PITRM1: variants seen among roughly 807,000 people sequenced by gnomAD.
The protein encoded by PITRM1 is pitrilysin metallopeptidase 1.
PITRM1 carries 100 observed loss-of-function variants against 129.9 expected under a neutral mutation model. The observed-to-expected ratio is 0.77, with a 90% CI of 0.65 to 0.91. PITRM1 has a LOEUF of 0.91. Ranked by LOEUF, PITRM1 falls within the 40% of genes least tolerant of loss-of-function variation. The pLI is 0.00. For synonymous variants in PITRM1, 591 were observed against 508.8 expected (o/e 1.16, Z -2.17); for missense variants, 1,471 against 1,318.3 (o/e 1.12, Z -1.79).
At chr10:3,155,026 T>C (rs1282368294) in intron 14 of PITRM1, among the ~76,000 whole-genome samples, 1 of 152,188 alleles carries the variant, frequency 6.6e-6, no homozygotes, top group Non-Finnish European at 1.5e-5. Context: ...GACCCGACAG[T>C]TCTCCTGCCT....
rs1840109141 is a variant in PITRM1, at chr10:3,140,777, A to G, written c.2681T>C (p.Phe894Ser). 1 of 1,591,904 alleles carries G rather than the reference A, an allele frequency of 6.3e-7. No homozygotes were observed. The change falls in exon 24 of 27, where the codon TTC (phenylalanine) becomes TCC (serine). Residue 894 changes from phenylalanine (F) to serine (S), a missense_variant. By Grantham distance (155) the Phe-to-Ser change is radical (BLOSUM62 -2). Transcript: ENST00000224949. ...TTTTTCTCGAATTTCTGTATGCAAG[A>G]ATTTGGCAGTCATCAAACGTGCAAG... ...KILARLMTAK[F>S]LHTEIREKGG...
At chr10:3,139,613 C>T (rs1444400180) in intron 24 of PITRM1, among the ~76,000 whole-genome samples, 2 of 152,210 alleles carry the variant, frequency 1.3e-5, no homozygotes, top group Non-Finnish European at 2.9e-5. Flanking sequence ...GAGAACTCAT[C>T]AGAGTGGCAA....
chr10:3,157,543 A>G lies in PITRM1; in HGVS notation c.1251-12T>C. The G allele has an allele frequency of 6.6e-7, 1 of 1,525,306 alleles. No individual in the cohort carries two copies. The highest frequency in any genetic ancestry group is 2.3e-5 in the East Asian group (1 of 44,346). The allele number at this position is 1,525,306 out of a possible 1,614,324, so 94.5% of individuals were successfully genotyped here. On this transcript the variant is annotated splice_polypyrimidine_tract_variant and intron_variant, in intron 11 of 26. Transcript: ENST00000224949. ...CTTCAAATCCTTTCCTAAAGAATACAATGAAGAACAAAGATGGGCCAGACA... is the reference window on the plus strand; with the variant it reads ...CTTCAAATCCTTTCCTAAAGAATACGATGAAGAACAAAGATGGGCCAGACA...
intron 2 of PITRM1, 29 bp from the exon 3 acceptor site, chr10:3,167,071 T>G (rs116361898): frequency 2.9e-6 from 4 of 1,398,716 alleles, no homozygotes; most frequent in Non-Finnish European, 4.0e-6. Context: ...CACGACCAGT[T>G]AAACTTAGAC....
rs141258893 is a variant in PITRM1 at position 3,157,847 on chromosome 10, AC to A, written c.1250+192del. ...AAGCGAGACCCTGTCTCAAAACAAA[AC>A]AAAAACCTAAGATGTTGAAGAGTTT... On this transcript the variant is annotated intron_variant, in intron 11 of 26. Coordinates refer to ENST00000224949, the MANE Select transcript of PITRM1 (RefSeq NM_014889.4). Among the ~76,000 whole-genome samples, 484 of 152,340 alleles carry A rather than the reference AC, an allele frequency of 3.2e-3. 2 individuals are homozygous for A. The highest frequency in any genetic ancestry group is 0.011 in the African/African-American group (458 of 41,568).
At position 3,145,576 on chromosome 10, in the gene PITRM1, C is replaced by A; in HGVS notation, c.2457+20G>T. On this transcript the variant is annotated intron_variant, in intron 21 of 26. Transcript: ENST00000224949. ...GCACCCACCAGGCGCTCACCGGGCG[C>A]CAGCACCACCAGTGCATACCTCGAC... 1.3e-6 allele frequency: 2 copies of A among 1,547,646 alleles called. No homozygotes were observed.
intron 1 of PITRM1, 54 bp from the exon 2 acceptor site, chr10:3,170,260 CATT>C: frequency 7.8e-7 from 1 of 1,287,462 alleles, no homozygotes; most frequent in East Asian, 2.3e-5. Context: ...ATCTGGCTAA[CATT>C]ATTCAGCCAC....
chr10:3,160,336 A>C lies in PITRM1; in HGVS notation c.792-6T>G. 6.2e-7 allele frequency: 1 copy of C among 1,600,678 alleles called. No homozygotes were observed. Among genetic ancestry groups the C allele is most frequent in the Non-Finnish European group, 8.6e-7 (1 of 1,167,834 alleles). On this transcript the variant is annotated splice_polypyrimidine_tract_variant and splice_region_variant and intron_variant, in intron 7 of 26. Transcript: ENST00000224949. ...AATTACCGTACGTGAAGAACCTAAA[A>C]TTTTAAGGGAATATAATTAGTCTGT...
intron 1 of PITRM1, among the ~76,000 whole-genome samples, chr10:3,171,865 GTAAT>G (rs1348167215): frequency 6.6e-6 from 1 of 152,132 alleles, no homozygotes; most frequent in African/African-American, 2.4e-5. Flanking sequence ...TAAAAAACAC[GTAAT>G]TATTATTCTC....
Position 3,145,681 on chromosome 10 carries a change from T to G in PITRM1, c.2372A>C (p.Gln791Pro), listed in dbSNP as rs547090878. Residue 791 changes from glutamine (Q) to proline (P), a missense_variant, in exon 21 of 27, where the codon CAG (glutamine) becomes CCG (proline). Coordinates refer to ENST00000224949, the MANE Select transcript of PITRM1 (RefSeq NM_014889.4). ...GAAGTCTTCGACCGCTTTTTCTGTCTGAGGCATCTGCTGAGGAGTCGCATT... is the reference window on the plus strand; with the variant it reads ...GAAGTCTTCGACCGCTTTTTCTGTCGGAGGCATCTGCTGAGGAGTCGCATT... ...SVNATPQQMPQTEKAVEDFLR... is the reference protein window; with the variant it reads ...SVNATPQQMPPTEKAVEDFLR... 5.2e-6 allele frequency: 8 copies of G among 1,551,232 alleles called. No homozygotes were observed. The highest frequency in any genetic ancestry group is 2.1e-4 in the Middle Eastern group (1 of 4,738).
rs757536690 is a variant in PITRM1 at position 3,147,241 on chromosome 10, T to C, written c.2245A>G (p.Met749Val). The change falls in exon 20 of 27, where the codon ATG (methionine) becomes GTG (valine). Residue 749 changes from methionine to valine, a missense_variant. By Grantham distance (21) the Met-to-Val change is conservative. Coordinates refer to ENST00000224949, the MANE Select transcript of PITRM1 (RefSeq NM_014889.4). Reference protein sequence around the residue: ...TFSGMDQVRLMKRIAEMTDIK... With the variant: ...TFSGMDQVRLVKRIAEMTDIK... ...TCTGTCATTTCTGCAATCCTCTTCA[T>C]CAGCCGCACCTAAGCCAGAGGAAAC... is the stretch of plus-strand genomic sequence containing the variant. 3 of 1,611,958 alleles carry C rather than the reference T, an allele frequency of 1.9e-6. No individual in the cohort carries two copies.
At chr10:3,162,588 G>T (rs570550117) in intron 7 of PITRM1, among the ~76,000 whole-genome samples, 2 of 152,188 alleles carry the variant, frequency 1.3e-5, no homozygotes, top group Non-Finnish European at 2.9e-5. Flanking sequence ...CAGTGGAGGC[G>T]AGCAGACCTC....
intron 7 of PITRM1, 122 bp downstream of exon 7, chr10:3,163,603 C>A: frequency 6.9e-6 from 6 of 874,860 alleles, no homozygotes; most frequent in South Asian, 3.6e-5. Flanking sequence ...AAGAATCTTA[C>A]CTAGACTTAG....
intron 9 of PITRM1, 85 bp downstream of exon 9, chr10:3,159,763 A>G (rs1338517701): frequency 1.3e-6 from 1 of 759,532 alleles, no homozygotes; most frequent in Non-Finnish European, 2.3e-6. Flanking sequence ...TTAACATTCA[A>G]TTGTAGAACT....
chr10:3,155,865 C>G, intron 13 of PITRM1, 136 bp from the exon 14 acceptor site: 1 of 975,198 alleles, frequency 1.0e-6, no homozygotes, highest in Non-Finnish European at 1.5e-6. Context: ...AATAATAGAA[C>G]GCACCTCAAG....
intron 2 of PITRM1, among the ~76,000 whole-genome samples, chr10:3,167,448 G>GA (rs1842968808): frequency 1.3e-5 from 2 of 152,202 alleles, no homozygotes; most frequent in African/African-American, 2.4e-5. Flanking sequence ...ATTTACAGAC[G>GA]AAAAAACCGA....
intron 9 of PITRM1, among the ~76,000 whole-genome samples, chr10:3,159,597 T>C (rs749021078): frequency 9.2e-5 from 14 of 152,232 alleles, no homozygotes; most frequent in Non-Finnish European, 7.3e-5. Context: ...TCTGTAGGAA[T>C]AAAGCTTTGA....
intron 11 of PITRM1, 29 bp downstream of exon 11, chr10:3,158,011 G>A (rs1194513208): frequency 2.9e-6 from 4 of 1,365,810 alleles, no homozygotes; most frequent in Non-Finnish European, 4.2e-6. Context: ...AGGAACGAAA[G>A]CAGATTGTTA....
Position 3,148,200 on chromosome 10 carries a change from C to CGGGGAGCACGT in PITRM1, c.1952_1962dup (p.Asp655ThrfsTer30), listed in dbSNP as rs1564400560. 1 of 1,613,930 alleles carries CGGGGAGCACGT rather than the reference C, an allele frequency of 6.2e-7. No homozygotes were observed. The highest frequency in any genetic ancestry group is 1.7e-5 in the Admixed American group (1 of 60,012). On this transcript the variant is annotated frameshift_variant, in exon 17 of 27. Coordinates refer to ENST00000224949, the MANE Select transcript of PITRM1 (RefSeq NM_014889.4). LOFTEE classifies it high-confidence loss of function. ...TCGTAGGTGTCCATGTGTGAGTCGT[C>CGGGGAGCACGT]GGGGAGCACGTGGGGAGAAGCACTC...
Sources: allele counts gnomAD v4.1 joint callset (sites outside exome capture counted in the v4.1 genomes callset), GRCh38; gene constraint gnomAD v4.1.1; transcripts MANE v1.5; gene names NCBI Gene and HGNC (gene_info 2026-07-23, HGNC 2026-07-21).